CENPO: variants seen among roughly 807,000 people sequenced by gnomAD.
The protein encoded by CENPO is centromeric protein O.
A neutral mutation model predicts 36.1 loss-of-function variants in CENPO; 30 were observed. The observed-to-expected ratio is 0.83, with a 90% CI of 0.62 to 1.13. The LOEUF (loss-of-function observed/expected upper bound fraction) is 1.13. CENPO is among the 50% of genes most tolerant of loss of function. The probability of loss-of-function intolerance (pLI) is 0.00; values close to 1 mark genes in which losing one functional copy is unlikely to be tolerated. For synonymous variants in CENPO, 171 were observed against 142.3 expected (o/e 1.20, Z -1.44); for missense variants, 349 against 357.8 (o/e 0.98, Z 0.20).
intron 3 of CENPO, among the ~76,000 whole-genome samples, chr2:24,811,821 C>T (rs1666705055): frequency 6.6e-6 from 1 of 152,120 alleles, no homozygotes; most frequent in Non-Finnish European, 1.5e-5. Context: ...TGGTCTTGAA[C>T]TCCTGACCTC....
intron 6 of CENPO, among the ~76,000 whole-genome samples, chr2:24,817,466 C>CAAAAAAAAAAAAAA (rs57556645): frequency 9.1e-6 from 1 of 110,082 alleles, no homozygotes; most frequent in East Asian, 2.9e-4. Context: ...TAGTCCAGAC[C>CAAAAAAAAAAAAAA]AAAAAAAAAA....
chr2:24,815,877 G>C, intron 5 of CENPO, 121 bp downstream of exon 5: 1 of 881,074 alleles, frequency 1.1e-6, no homozygotes, highest in Non-Finnish European at 1.7e-6. Flanking sequence ...TTACCTTTCC[G>C]ATGCTTGTTT....
chr2:24,794,683 G>A (rs1170906453), intron 2 of CENPO, among the ~76,000 whole-genome samples: 1 of 152,168 alleles, frequency 6.6e-6, no homozygotes, highest in Non-Finnish European at 1.5e-5. Context: ...ACTGAGATTT[G>A]CGTTTGAATT....
At chr2:24,802,509 A>C (rs1207722054) in intron 3 of CENPO, among the ~76,000 whole-genome samples, 2 of 152,128 alleles carry the variant, frequency 1.3e-5, no homozygotes, top group Non-Finnish European at 2.9e-5. Flanking sequence ...CCCATCAATA[A>C]CTAATTTATT....
intron 3 of CENPO, among the ~76,000 whole-genome samples, chr2:24,811,134 AG>A (rs1248424624): frequency 2.0e-5 from 3 of 146,786 alleles, no homozygotes; most frequent in Non-Finnish European, 4.5e-5. Context: ...AGTAGAGACA[AG>A]GGTTTCACCA....
At chr2:24,802,450 T>A (rs1666203522) in intron 3 of CENPO, among the ~76,000 whole-genome samples, 1 of 152,202 alleles carries the variant, frequency 6.6e-6, no homozygotes, top group Admixed American at 6.5e-5. Context: ...TTCAGTGTGA[T>A]ATTGGCTGTG....
At chr2:24,793,815 A>G (rs1665747799) in intron 1 of CENPO, 37 bp from the exon 2 acceptor site, 5 of 1,466,828 alleles carry the variant, frequency 3.4e-6, no homozygotes, top group Non-Finnish European at 4.8e-6. Flanking sequence ...GAATGGGACT[A>G]GATGTGATGT....
At chr2:24,795,505 C>A (rs1451845209) in intron 2 of CENPO, among the ~76,000 whole-genome samples, 1 of 152,144 alleles carries the variant, frequency 6.6e-6, no homozygotes, top group African/African-American at 2.4e-5. Context: ...AACAACGCTA[C>A]CCCCTTGGTG....
At chr2:24,801,010 A>C (rs1666136847) in intron 3 of CENPO, among the ~76,000 whole-genome samples, 1 of 152,110 alleles carries the variant, frequency 6.6e-6, no homozygotes, top group Non-Finnish European at 1.5e-5. Context: ...CTTTTTAATG[A>C]TCGCCATTCT....
chr2:24,815,020 T>A (rs757330729), intron 4 of CENPO, among the ~76,000 whole-genome samples: 5 of 152,078 alleles, frequency 3.3e-5, no homozygotes, highest in Non-Finnish European at 7.4e-5. Context: ...GCAGGATTAC[T>A]TGAGTCCAGG....
intron 6 of CENPO, among the ~76,000 whole-genome samples, chr2:24,817,459 T>C (rs1666992435): frequency 3.5e-5 from 1 of 28,920 alleles, no homozygotes; most frequent in Non-Finnish European, 8.2e-5. Flanking sequence ...GCAGCCTTAG[T>C]CCAGACCAAA....
At position 24,799,840 on chromosome 2, in the gene CENPO, C is replaced by T. The variant is rs748498689; in HGVS notation, c.212C>T (p.Ala71Val). Residue 71 changes from alanine to valine, a missense_variant, in exon 3 of 8, where the codon GCC becomes GTC. Physicochemically the swap from Ala to Val is moderately conservative, Grantham distance 64. Transcript: ENST00000380834. ...ELRAVVRHRR[A>V]SVKACIANVE... Reference sequence around the variant, plus strand: ...AGGGCTGTGGTGCGGCACCGGCGAGCCAGCGTGAGTAGAAGGGTGGTATCA... The same window carrying T: ...AGGGCTGTGGTGCGGCACCGGCGAGTCAGCGTGAGTAGAAGGGTGGTATCA... 1 of 1,612,908 alleles carries T rather than the reference C, an allele frequency of 6.2e-7. No individual in the cohort carries two copies. The highest frequency in any genetic ancestry group is 8.5e-7 in the Non-Finnish European group (1 of 1,179,886).
At position 24,820,564 on chromosome 2, in the gene CENPO, G is replaced by A. The variant is rs780721431; in HGVS notation, c.*1246G>A. On this transcript the variant is annotated 3_prime_UTR_variant, in exon 8 of 8. Coordinates refer to ENST00000380834, the MANE Select transcript of CENPO (RefSeq NM_001322101.2). ...TGGAAGTGTTTCTTCCTGTGCTGAGGCTAGCTATTGCAGAGATTCTTTTCC... is the reference window on the plus strand; with the variant it reads ...TGGAAGTGTTTCTTCCTGTGCTGAGACTAGCTATTGCAGAGATTCTTTTCC... The A allele has an allele frequency of 1.7e-5, 24 of 1,424,880 alleles. No homozygotes were observed. Among genetic ancestry groups the A allele is most frequent in the Admixed American group, 2.6e-5 (1 of 37,920 alleles). 88.3% of individuals were successfully genotyped at this position (1,424,880 alleles called of 1,614,324 possible).
chr2:24,798,862 T>C (rs1038972365), intron 2 of CENPO, among the ~76,000 whole-genome samples: 1 of 151,862 alleles, frequency 6.6e-6, no homozygotes, highest in African/African-American at 2.4e-5. Flanking sequence ...TTGGATTCCG[T>C]CCCAAGGCAA....
chr2:24,822,334 C>CTTT lies in CENPO; in HGVS notation c.*3017_*3018insTTT, dbSNP rs1667893490. 1.1e-6 allele frequency: 1 copy of CTTT among 894,906 alleles called. No homozygotes were observed. The highest frequency in any genetic ancestry group is 1.7e-5 in the African/African-American group (1 of 59,584). 55.4% of individuals were successfully genotyped at this position (894,906 alleles called of 1,614,324 possible). Reference sequence around the variant, plus strand: ...GGGGTTGTGTGTCTGTTCTGTTTCTCTGCTTGCCGAACTTTCTCAATAAAC... The same window carrying CTTT: ...GGGGTTGTGTGTCTGTTCTGTTTCTCTTTTGCTTGCCGAACTTTCTCAATAAAC... On this transcript the variant is annotated 3_prime_UTR_variant, in exon 8 of 8. Coordinates refer to ENST00000380834, the MANE Select transcript of CENPO (RefSeq NM_001322101.2).
chr2:24,796,463 T>C (rs1665907553), intron 2 of CENPO, among the ~76,000 whole-genome samples: 1 of 152,122 alleles, frequency 6.6e-6, no homozygotes, highest in African/African-American at 2.4e-5. Flanking sequence ...TTTGGAACTT[T>C]AAGGTTCAGT....
rs971270900 is a variant in CENPO, at chr2:24,820,229, G to C, written c.*911G>C. 1 of 1,212,174 alleles carries C rather than the reference G, an allele frequency of 8.2e-7. No homozygotes were observed. The highest frequency in any genetic ancestry group is 1.1e-6 in the Non-Finnish European group (1 of 901,924). The allele number at this position is 1,212,174 out of a possible 1,614,324, so 75.1% of individuals were successfully genotyped here. A position where few individuals can be genotyped will look rare whatever the true frequency, so the allele number is the denominator to read the frequency against. ...CTGATCCATGGGTCCCAAGCAGTACGGGACACTCCCCAAACCTCCCAGGGC... is the reference window on the plus strand; with the variant it reads ...CTGATCCATGGGTCCCAAGCAGTACCGGACACTCCCCAAACCTCCCAGGGC... On this transcript the variant is annotated 3_prime_UTR_variant, in exon 8 of 8. Coordinates refer to ENST00000380834, the MANE Select transcript of CENPO (RefSeq NM_001322101.2).
chr2:24,798,975 CTTTTTTTTTTTTTTTTT>C (rs70947846), intron 2 of CENPO, among the ~76,000 whole-genome samples: 2 of 114,526 alleles, frequency 1.7e-5, no homozygotes, highest in African/African-American at 4.0e-5. Flanking sequence ...CTGGGGCTTC[CTTTTTTTTTTTTTTTTT>C]TTTTTTTTTT....
rs1420270586 is a variant in CENPO at position 24,820,662 on chromosome 2, A to G, written c.*1344A>G. ...GGGAGGCAGGGGCACGTGGGAAAGC[A>G]CTGTTCCGGTTTTGTTCTCATGCCG... On this transcript the variant is annotated 3_prime_UTR_variant, in exon 8 of 8. Transcript: ENST00000380834. 6.2e-7 allele frequency: 1 copy of G among 1,604,340 alleles called. No individual in the cohort carries two copies. The highest frequency in any genetic ancestry group is 8.5e-7 in the Non-Finnish European group (1 of 1,173,968).
Sources: gnomAD v4.1 joint callset for allele counts (sites outside exome capture counted in the v4.1 genomes callset) on GRCh38, gnomAD v4.1.1 for gene constraint, MANE v1.5 for transcripts, NCBI Gene and HGNC (gene_info 2026-07-23, HGNC 2026-07-21) for gene names.